Variants in ZNF713 observed in about 807,000 individuals in gnomAD.
The protein encoded by ZNF713 is zinc finger protein 713.
A neutral mutation model predicts 28.7 loss-of-function variants in ZNF713; 21 were observed. The ratio of observed to expected loss-of-function variants is 0.73; its 90% CI spans 0.52 to 1.05. The LOEUF (loss-of-function observed/expected upper bound fraction) is 1.05. Ranked by LOEUF, ZNF713 falls within the 50% of genes least tolerant of loss-of-function variation. ZNF713 has a pLI of 0.00. For synonymous variants in ZNF713, 167 were observed against 178.0 expected (o/e 0.94, Z 0.49); for missense variants, 458 against 532.4 (o/e 0.86, Z 1.37).
Position 55,922,030 on chromosome 7 carries a change from ATTC to A in ZNF713, c.88-1127_88-1125del, listed in dbSNP as rs573317010. Among the ~76,000 whole-genome samples the A allele has an allele frequency of 1.9e-3, 293 of 152,206 alleles. 2 individuals are homozygous for A. Among genetic ancestry groups the A allele is most frequent in the African/African-American group, 6.4e-3 (267 of 41,544 alleles). ...AACCTCCACCTCCCGGGTTCAAGCA[ATTC>A]TTCTGCCTCAGGCTCCTGAGTAGCT... On this transcript the variant is annotated intron_variant, in intron 4 of 6. Transcript: ENST00000429591.
intron 1 of ZNF713, among the ~76,000 whole-genome samples, chr7:55,903,602 G>C (rs551602612): frequency 8.0e-4 from 119 of 148,864 alleles, no homozygotes; most frequent in Non-Finnish European, 1.2e-3. Flanking sequence ...AGGAGGCAGA[G>C]ATTGCAGTCA....
chr7:55,936,876 A>G (rs1029252233), intron 6 of ZNF713, among the ~76,000 whole-genome samples: 1 of 152,134 alleles, frequency 6.6e-6, no homozygotes, highest in Non-Finnish European at 1.5e-5. Flanking sequence ...AAAAGTGGTA[A>G]AAGTTCTCCA....
chr7:55,920,026 T>A lies in ZNF713; in HGVS notation c.88-3136T>A, dbSNP rs566679485. On this transcript the variant is annotated intron_variant, in intron 4 of 6. Transcript: ENST00000429591. Reference sequence around the variant, plus strand: ...GCTCCACCATCTGGCTGTTCCTCCATCTCCCTCTCCCCCGGCTTCCCTATT... The same window carrying A: ...GCTCCACCATCTGGCTGTTCCTCCAACTCCCTCTCCCCCGGCTTCCCTATT... 1.3e-4 allele frequency among the ~76,000 whole-genome samples: 20 copies of A among 152,254 alleles called. No individual in the cohort carries two copies. In the South Asian group the frequency reaches 4.2e-3, roughly 32 times the overall value.
chr7:55,892,985 CCATTCTCT>C (rs1785416914), intron 1 of ZNF713, among the ~76,000 whole-genome samples: 2 of 152,004 alleles, frequency 1.3e-5, no homozygotes, highest in South Asian at 4.2e-4. Flanking sequence ...CGGGTTCACG[CCATTCTCT>C]TGCCTCAGCC....
At chr7:55,892,878 A>AG (rs1481007730) in intron 1 of ZNF713, among the ~76,000 whole-genome samples, 1 of 151,142 alleles carries the variant, frequency 6.6e-6, no homozygotes, top group African/African-American at 2.4e-5. Flanking sequence ...TGGGAAAAAA[A>AG]AAAAAAAAAA....
At chr7:55,930,198 T>C (rs1029652389) in intron 6 of ZNF713, among the ~76,000 whole-genome samples, 1 of 152,132 alleles carries the variant, frequency 6.6e-6, no homozygotes, top group Non-Finnish European at 1.5e-5. Flanking sequence ...ATTTAACATA[T>C]GAAAAAATGT....
intron 6 of ZNF713, among the ~76,000 whole-genome samples, chr7:55,925,956 C>CT (rs1786087117): frequency 6.6e-6 from 1 of 152,168 alleles, no homozygotes; most frequent in Non-Finnish European, 1.5e-5. Context: ...AGGACCCACA[C>CT]TATCTCCTAT....
At chr7:55,906,213 C>G (rs1785676118) in intron 1 of ZNF713, 40 bp from the exon 2 acceptor site, 1 of 152,130 alleles carries the variant, frequency 6.6e-6, no homozygotes, top group South Asian at 2.1e-4. Context: ...CAAATAAGCT[C>G]TCCGCTTAGA....
intron 1 of ZNF713, among the ~76,000 whole-genome samples, chr7:55,899,904 C>T (rs1028940281): frequency 2.6e-5 from 4 of 151,668 alleles, no homozygotes; most frequent in Admixed American, 6.6e-5. Context: ...ACACCACACC[C>T]GGCCAATTTT....
At chr7:55,905,667 C>G (rs946456546) in intron 1 of ZNF713, among the ~76,000 whole-genome samples, 8 of 152,036 alleles carry the variant, frequency 5.3e-5, no homozygotes, top group Non-Finnish European at 2.9e-5. Context: ...TGTTTAGAGT[C>G]ATTTTGTTCC....
intron 4 of ZNF713, among the ~76,000 whole-genome samples, chr7:55,915,476 T>C (rs1239708777): frequency 6.6e-6 from 1 of 152,204 alleles, no homozygotes; most frequent in African/African-American, 2.4e-5. Flanking sequence ...TTAGCAACTA[T>C]ACTAATAAAT....
intron 6 of ZNF713, among the ~76,000 whole-genome samples, chr7:55,931,714 T>C (rs1221710186): frequency 6.6e-6 from 1 of 152,146 alleles, no homozygotes; most frequent in Non-Finnish European, 1.5e-5. Context: ...TCAAAAGCCA[T>C]GGATGGGCCT....
At chr7:55,887,814 C>T (rs1453157446) in intron 1 of ZNF713, 134 bp downstream of exon 1, 181 of 1,442 alleles carry the variant, frequency 0.13, 41 homozygotes, top group African/African-American at 0.24. Context: ...GGGCGGCGGG[C>T]GGCGGGCGGC....
At chr7:55,919,449 T>C (rs1400880134) in intron 4 of ZNF713, among the ~76,000 whole-genome samples, 1 of 134,052 alleles carries the variant, frequency 7.5e-6, no homozygotes, top group South Asian at 2.5e-4. Context: ...GGGTGTGGCA[T>C]TTGTATTGTA....
intron 4 of ZNF713, among the ~76,000 whole-genome samples, chr7:55,918,619 G>A (rs1785930476): frequency 6.6e-6 from 1 of 152,156 alleles, no homozygotes; most frequent in African/African-American, 2.4e-5. Context: ...AAAACTCAAA[G>A]GATAGTAAGG....
chr7:55,939,602 G>T lies in ZNF713; in HGVS notation c.928G>T (p.Gly310Ter). ...CATTCAACATCAGAGAATTCACACA[G>T]GAGAAAAGCCTTTTATATGCAATGG... ...HLIQHQRIHT[G>*]EKPFICNGCG... The change falls in exon 7 of 7, where the codon GGA becomes TGA. Residue 310 changes from glycine to a stop codon, truncating the protein, a stop_gained. Coordinates refer to ENST00000429591, the MANE Select transcript of ZNF713 (RefSeq NM_182633.3). LOFTEE classifies it high-confidence loss of function. 6.2e-7 allele frequency: 1 copy of T among 1,614,180 alleles called. No homozygotes were observed. Among genetic ancestry groups the T allele is most frequent in the East Asian group, 2.2e-5 (1 of 44,878 alleles).
chr7:55,926,502 C>T (rs1786098418), intron 6 of ZNF713, among the ~76,000 whole-genome samples: 1 of 152,036 alleles, frequency 6.6e-6, no homozygotes, highest in African/African-American at 2.4e-5. Context: ...TCAGGGGTTC[C>T]CCTGAGAGGA....
intron 6 of ZNF713, among the ~76,000 whole-genome samples, chr7:55,930,786 G>C (rs1786194826): frequency 6.6e-6 from 1 of 151,876 alleles, no homozygotes; most frequent in Non-Finnish European, 1.5e-5. Context: ...AAAAACCATT[G>C]TCTGTGGATT....
chr7:55,892,754 C>T (rs1025041352), intron 1 of ZNF713, among the ~76,000 whole-genome samples: 1 of 150,118 alleles, frequency 6.7e-6, no homozygotes, highest in African/African-American at 2.4e-5. Context: ...AGCCTATAAT[C>T]CCAGCTACTC....
Sources: allele counts gnomAD v4.1 joint callset (sites outside exome capture counted in the v4.1 genomes callset), GRCh38; gene constraint gnomAD v4.1.1; transcripts MANE v1.5; gene names NCBI Gene and HGNC (gene_info 2026-07-23, HGNC 2026-07-21).